Variants in NUP210 observed in about 807,000 individuals in gnomAD.
The protein encoded by NUP210 is nucleoporin 210.
A neutral mutation model predicts 196.0 loss-of-function variants in NUP210; 151 were observed. The observed-to-expected ratio is 0.77, with a 90% CI of 0.67 to 0.88. The LOEUF is 0.88. Among genes scored for constraint, NUP210 ranks in the 40% least tolerant of loss-of-function variants. The probability of loss-of-function intolerance (pLI) is 0.00; values close to 1 mark genes in which losing one functional copy is unlikely to be tolerated. For missense variants in NUP210, 2,314 were observed against 2,493.7 expected, an observed-to-expected ratio of 0.93 and a Z score of 1.53; for synonymous variants, 1,070 against 1,052.7, an observed-to-expected ratio of 1.02 and a Z score of -0.32.
rs762952679 is a variant in NUP210, at chr3:13,360,323, G to A, written c.2101C>T (p.Arg701Trp). 5.0e-6 allele frequency: 8 copies of A among 1,614,216 alleles called. No homozygotes were observed. In the Admixed American group the frequency reaches 6.7e-5, roughly 13 times the overall value. The change falls in exon 15 of 40, where the codon CGG becomes TGG. Residue 701 changes from arginine (R) to tryptophan (W), a missense_variant. Coordinates refer to ENST00000254508, the MANE Select transcript of NUP210 (RefSeq NM_024923.4). ...GLALFAPHSS[R>W]NYQQHWILVT... The stretch of plus-strand genomic sequence containing the variant: ...AGGATCCAGTGTTGCTGATAATTCC[G>A]GGAGGAATGGGGGGCAAAGAGAGCC...
Position 13,388,403 on chromosome 3 carries a change from T to C in NUP210, c.584A>G (p.Glu195Gly). ...CCCTTGCTTGGCAGCCTTCTCCATC[T>C]CTGAGATGTAAGAAGGAGGGATGTA... is the stretch of plus-strand genomic sequence containing the variant. ...STYIPPSYIS[E>G]MEKAAKQGDT... The change falls in exon 5 of 40, where the codon GAG (glutamate) becomes GGG (glycine). Residue 195 changes from glutamate to glycine, a missense_variant. Glu to Gly is a moderately conservative substitution (Grantham distance 98). Coordinates refer to ENST00000254508, the MANE Select transcript of NUP210 (RefSeq NM_024923.4). 1.2e-6 allele frequency: 2 copies of C among 1,612,352 alleles called. No homozygotes were observed. Among genetic ancestry groups the C allele is most frequent in the Non-Finnish European group, 1.7e-6 (2 of 1,179,224 alleles).
chr3:13,383,223 G>C (rs1032122266), intron 6 of NUP210, among the ~76,000 whole-genome samples: 32 of 152,194 alleles, frequency 2.1e-4, no homozygotes, highest in African/African-American at 7.0e-4. Context: ...AGTTTTGCTA[G>C]CTCGGCCCCT....
intron 20 of NUP210, among the ~76,000 whole-genome samples, chr3:13,349,121 G>A (rs1697873183): frequency 1.3e-5 from 2 of 152,156 alleles, no homozygotes; most frequent in Non-Finnish European, 2.9e-5. Context: ...AACAGCAAAT[G>A]AAGAAGCATT....
chr3:13,323,623 C>T lies in NUP210; in HGVS notation c.4645-191G>A, dbSNP rs934220635. 5.3e-5 allele frequency among the ~76,000 whole-genome samples: 8 copies of T among 152,210 alleles called. No homozygotes were observed. The highest frequency in any genetic ancestry group is 1.9e-4 in the African/African-American group (8 of 41,448). On this transcript the variant is annotated intron_variant, in intron 33 of 39. Coordinates refer to ENST00000254508, the MANE Select transcript of NUP210 (RefSeq NM_024923.4). The surrounding 1 kb of genome is among the most constrained non-coding windows in gnomAD (Gnocchi z 4.3). The stretch of plus-strand genomic sequence containing the variant: ...GGGGTTTGAGCCCAGTCTGGTCAGA[C>T]TTCACAGCCCAGTTCTCCCATTGAA...
chr3:13,368,598 C>T (rs1208100570), intron 13 of NUP210, among the ~76,000 whole-genome samples: 1 of 152,202 alleles, frequency 6.6e-6, no homozygotes, highest in Non-Finnish European at 1.5e-5. Context: ...CCCCTCACTC[C>T]AGTCCCTGGC....
intron 16 of NUP210, among the ~76,000 whole-genome samples, chr3:13,357,132 T>C (rs1576378352): frequency 6.6e-6 from 1 of 151,912 alleles, no homozygotes; most frequent in African/African-American, 2.4e-5. Flanking sequence ...TCTGCAAGAG[T>C]CAAGGGTGAA....
chr3:13,322,051 C>T (rs770238253), intron 35 of NUP210, 142 bp downstream of exon 35: 16 of 1,187,854 alleles, frequency 1.3e-5, no homozygotes, highest in Middle Eastern at 2.1e-4. Flanking sequence ...GTCCCCCTGG[C>T]GTCAATCCCC....
At position 13,317,337 on chromosome 3, in the gene NUP210, CAA is replaced by C. The variant is rs1221547824; in HGVS notation, c.*342_*343del. 4 of 322,466 alleles carry C rather than the reference CAA, an allele frequency of 1.2e-5. No individual in the cohort carries two copies. Among genetic ancestry groups the C allele is most frequent in the African/African-American group, 2.2e-5 (1 of 45,098 alleles). 20.0% of individuals were successfully genotyped at this position (322,466 alleles called of 1,614,324 possible). A position where few individuals can be genotyped will look rare whatever the true frequency, so the allele number is the denominator to read the frequency against. ...CTTCTAAAGAGCACTTCTAACTGCT[CAA>C]AGTCTTGAGAAGGGAAAGATTTTAG... On this transcript the variant is annotated 3_prime_UTR_variant, in exon 40 of 40. Transcript: ENST00000254508.
Position 13,348,029 on chromosome 3 carries a change from T to A in NUP210, c.2835+3850A>T, listed in dbSNP as rs1357997942. ...TGCTGCTTGCCATAGGGGAGACTCG[T>A]CCCGGGTCCTGCCTGCAATGGGCAC... On this transcript the variant is annotated intron_variant, in intron 20 of 39. Transcript: ENST00000254508. The surrounding 1 kb of genome is among the most constrained non-coding windows in gnomAD (Gnocchi z 4.0). Among the ~76,000 whole-genome samples the A allele has an allele frequency of 2.0e-5, 3 of 152,154 alleles. No homozygotes were observed. The highest frequency in any genetic ancestry group is 1.9e-4 in the East Asian group (1 of 5,188).
In NUP210 at chr3:13,399,733, T is replaced by G; in HGVS notation, c.296A>C (p.Glu99Ala). The G allele has an allele frequency of 6.2e-7, 1 of 1,614,146 alleles. No individual in the cohort carries two copies. Among genetic ancestry groups the G allele is most frequent in the African/African-American group, 1.3e-5 (1 of 75,042 alleles). The change falls in exon 2 of 40, where the codon GAG becomes GCG. Residue 99 changes from glutamate to alanine, a missense_variant. Physicochemically the swap from Glu to Ala is moderately radical, Grantham distance 107. Transcript: ENST00000254508. ...CAGCACTCAGCCCTTACTGATGTCC[T>G]CTGCGAAGATGATGCTGGTGAGGCG... ...PARLTSIIFA[E>A]DITTGQVLRC... is the part of the protein sequence containing the mutation.
At chr3:13,358,942 A>G (rs1698278906) in intron 15 of NUP210, among the ~76,000 whole-genome samples, 1 of 152,236 alleles carries the variant, frequency 6.6e-6, no homozygotes, top group South Asian at 2.1e-4. Flanking sequence ...AGGGAAATCC[A>G]TGGTGCAAGA....
At chr3:13,322,444 C>T (rs1252570904) in intron 34 of NUP210, 105 bp from the exon 35 acceptor site, 2 of 1,279,198 alleles carry the variant, frequency 1.6e-6, no homozygotes, top group Non-Finnish European at 2.2e-6. Context: ...CCACCTGCCC[C>T]TGCATGTCTT....
At position 13,411,300 on chromosome 3, in the gene NUP210, T is replaced by G. The variant is rs73134612; in HGVS notation, c.167+8760A>C. On this transcript the variant is annotated intron_variant, in intron 1 of 39. Transcript: ENST00000254508. Reference sequence around the variant, plus strand: ...GAAACTGGGTAAACCAACAATCATCTGAGAAGGGTGGCGCATTTCCCCAGG... The same window carrying G: ...GAAACTGGGTAAACCAACAATCATCGGAGAAGGGTGGCGCATTTCCCCAGG... 7.8e-3 allele frequency among the ~76,000 whole-genome samples: 1,195 copies of G among 152,290 alleles called. 15 individuals are homozygous for G. Among genetic ancestry groups the G allele is most frequent in the African/African-American group, 0.026 (1,096 of 41,550 alleles).
chr3:13,346,615 C>T (rs779854051), intron 20 of NUP210, among the ~76,000 whole-genome samples: 5 of 152,198 alleles, frequency 3.3e-5, no homozygotes, highest in African/African-American at 7.2e-5. Context: ...TCAAATACCT[C>T]GGAGCTTGCC....
rs1042860956 is a variant in NUP210 at position 13,411,667 on chromosome 3, C to T, written c.167+8393G>A. ...CACCTGCACCTGCCGACGGCCCCTCCCCACCATCAGGCTCCTCTTGGTTGG... is the reference window on the plus strand; with the variant it reads ...CACCTGCACCTGCCGACGGCCCCTCTCCACCATCAGGCTCCTCTTGGTTGG... On this transcript the variant is annotated intron_variant, in intron 1 of 39. Coordinates refer to ENST00000254508, the MANE Select transcript of NUP210 (RefSeq NM_024923.4). Among the ~76,000 whole-genome samples the T allele has an allele frequency of 3.3e-5, 5 of 152,202 alleles. No homozygotes were observed. In the East Asian group the frequency reaches 9.6e-4, roughly 29 times the overall value.
chr3:13,354,394 CA>C (rs992746849), intron 16 of NUP210: 14 of 431,386 alleles, frequency 3.2e-5, no homozygotes, highest in African/African-American at 2.8e-4. Context: ...ACGCATGAGT[CA>C]GGGGGTTGCC....
intron 1 of NUP210, among the ~76,000 whole-genome samples, chr3:13,401,052 G>T (rs760637723): frequency 6.6e-6 from 1 of 152,080 alleles, no homozygotes; most frequent in Non-Finnish European, 1.5e-5. Context: ...GAGGTCAGGA[G>T]TTCGAGACCA....
intron 1 of NUP210, among the ~76,000 whole-genome samples, chr3:13,405,478 C>T (rs1447078956): frequency 6.6e-6 from 1 of 152,070 alleles, no homozygotes; most frequent in African/African-American, 2.4e-5. Flanking sequence ...TATACTAAAC[C>T]TCTCATATAC....
rs1696615617 is a variant in NUP210 at position 13,323,370 on chromosome 3, G to A, written c.4707C>T (p.Phe1569=). Residue 1569 remains phenylalanine (F), a synonymous_variant, in exon 34 of 40, where the codon TTC becomes TTT. Coordinates refer to ENST00000254508, the MANE Select transcript of NUP210 (RefSeq NM_024923.4). The surrounding 1 kb of genome is among the most constrained non-coding windows in gnomAD (Gnocchi z 4.3). ...ARHLHPIQTS[F]QEATASKVIV... is the part of the protein sequence containing the mutation. ...TCACTTTGGAGGCTGTAGCCTCCTG[G>A]AAGCTGGTCTGGATGGGGTGGAGGT... is the stretch of plus-strand genomic sequence containing the variant. The A allele has an allele frequency of 6.2e-7, 1 of 1,613,922 alleles. No individual in the cohort carries two copies. Among genetic ancestry groups the A allele is most frequent in the Non-Finnish European group, 8.5e-7 (1 of 1,179,936 alleles).
Sources: gnomAD v4.1 joint callset for allele counts (sites outside exome capture counted in the v4.1 genomes callset) on GRCh38, gnomAD v4.1.1 for gene constraint, Gnocchi (gnomAD v3.1) non-coding constraint, MANE v1.5 for transcripts, NCBI Gene and HGNC (gene_info 2026-07-23, HGNC 2026-07-21) for gene names.